PALM2AKAP2: variants seen among roughly 807,000 people sequenced by gnomAD.
PALM2AKAP2 encodes PALM2-AKAP2 fusion protein.
Under a neutral mutation model 71.5 loss-of-function variants are expected in PALM2AKAP2, and 37 were observed. That is an observed-to-expected ratio of 0.52 (90% CI 0.40 to 0.68). The LOEUF is 0.68. Ranked by LOEUF, PALM2AKAP2 falls within the 30% of genes least tolerant of loss-of-function variation. The pLI, the probability that PALM2AKAP2 is intolerant of heterozygous loss-of-function variation, is 0.00. For synonymous variants in PALM2AKAP2, 468 were observed against 478.8 expected, an observed-to-expected ratio of 0.98 and a Z score of 0.29; for missense variants, 1,224 against 1,191.8, an observed-to-expected ratio of 1.03 and a Z score of -0.40.
intron 1 of PALM2AKAP2, among the ~76,000 whole-genome samples, chr9:109,801,132 G>A (rs776463903): frequency 1.6e-4 from 25 of 152,218 alleles, no homozygotes; most frequent in Non-Finnish European, 1.0e-4. Flanking sequence ...TTCAGTTGCC[G>A]TGAAACATTT....
At chr9:109,793,607 A>G (rs1453056398) in intron 1 of PALM2AKAP2, among the ~76,000 whole-genome samples, 1 of 152,186 alleles carries the variant, frequency 6.6e-6, no homozygotes, top group Non-Finnish European at 1.5e-5. Flanking sequence ...AAGGAGGAAA[A>G]TTGATTTTAG....
At chr9:109,902,475 C>A (rs181804536) in intron 3 of PALM2AKAP2, among the ~76,000 whole-genome samples, 2 of 152,210 alleles carry the variant, frequency 1.3e-5, no homozygotes, top group South Asian at 2.1e-4. Flanking sequence ...TTTACTGAGC[C>A]CCTGAAAGGC....
intron 1 of PALM2AKAP2, among the ~76,000 whole-genome samples, chr9:109,738,904 C>T (rs895493632): frequency 3.8e-4 from 58 of 152,186 alleles, no homozygotes; most frequent in Admixed American, 3.9e-4. Flanking sequence ...ACCTTATCTG[C>T]TCTTTATTCC....
At chr9:110,161,880 A>G (rs1162497017) in intron 3 of PALM2AKAP2, among the ~76,000 whole-genome samples, 3 of 151,932 alleles carry the variant, frequency 2.0e-5, no homozygotes, top group African/African-American at 7.3e-5. Context: ...TGATATTTTT[A>G]TTAGTGAACA....
At chr9:109,778,248 GCTTAATGGTTAAGAGCATGGGCT>G (rs1308918756), upstream of PALM2AKAP2, among the ~76,000 whole-genome samples, 1 of 152,216 alleles carries the variant, frequency 6.6e-6, no homozygotes, top group African/African-American at 2.4e-5. Flanking sequence ...CAAGCCTGGT[GCTTAATGGTTAAGAGCATGGGCT>G]CTGGTGAGTG....
intron 1 of PALM2AKAP2, among the ~76,000 whole-genome samples, chr9:110,085,889 C>G (rs1834560834): frequency 6.6e-6 from 1 of 152,074 alleles, no homozygotes; most frequent in South Asian, 2.1e-4. Context: ...GGCGGATCAC[C>G]TGAGGTCAGG....
At chr9:109,947,715 C>T (rs956825639) in intron 6 of PALM2AKAP2, among the ~76,000 whole-genome samples, 16 of 152,222 alleles carry the variant, frequency 1.1e-4, no homozygotes, top group African/African-American at 3.9e-4. Flanking sequence ...TACTCACTAA[C>T]AGGTCCTTTC....
intron 2 of PALM2AKAP2, among the ~76,000 whole-genome samples, chr9:109,876,703 C>G (rs1829730462): frequency 6.6e-6 from 1 of 152,134 alleles, no homozygotes; most frequent in Non-Finnish European, 1.5e-5. Context: ...TGGTCTCGAA[C>G]TCTTGACCTC....
At chr9:110,079,388 C>T (rs565840557) in intron 1 of PALM2AKAP2, among the ~76,000 whole-genome samples, 48 of 152,142 alleles carry the variant, frequency 3.2e-4, no homozygotes, top group African/African-American at 7.0e-4. Context: ...CCCAGCTACT[C>T]GGGAGGCTGA....
intron 1 of PALM2AKAP2, among the ~76,000 whole-genome samples, chr9:109,709,878 C>T (rs1351615565): frequency 3.3e-5 from 5 of 152,186 alleles, no homozygotes; most frequent in African/African-American, 1.2e-4. Context: ...CAAGTCCTAA[C>T]CCCTACTACC....
At chr9:109,749,207 G>A (rs1828849107) in intron 1 of PALM2AKAP2, among the ~76,000 whole-genome samples, 1 of 152,218 alleles carries the variant, frequency 6.6e-6, no homozygotes, top group African/African-American at 2.4e-5. Flanking sequence ...TCTAGAAGGA[G>A]TCCACTTGAC....
intron 1 of PALM2AKAP2, among the ~76,000 whole-genome samples, chr9:110,059,476 C>T (rs1833916053): frequency 6.6e-6 from 1 of 152,178 alleles, no homozygotes; most frequent in Non-Finnish European, 1.5e-5. Flanking sequence ...TTATTCTAGA[C>T]AAGTTTTGGA....
chr9:109,865,740 G>A (rs138184875), intron 1 of PALM2AKAP2, among the ~76,000 whole-genome samples: 160 of 152,322 alleles, frequency 1.1e-3, no homozygotes, highest in African/African-American at 3.6e-3. Flanking sequence ...TCTTGGTTCT[G>A]TATTTAAATG....
At chr9:110,165,593 T>C (rs1219031954) in intron 3 of PALM2AKAP2, among the ~76,000 whole-genome samples, 1 of 152,190 alleles carries the variant, frequency 6.6e-6, no homozygotes, top group Non-Finnish European at 1.5e-5. Flanking sequence ...TAAATGGGCA[T>C]ACATACTAGG....
At chr9:109,720,606 G>C (rs536174320) in intron 1 of PALM2AKAP2, among the ~76,000 whole-genome samples, 1 of 152,288 alleles carries the variant, frequency 6.6e-6, no homozygotes, top group Non-Finnish European at 1.5e-5. Flanking sequence ...AATATTTAAG[G>C]AGCTGGCAAA....
At chr9:109,878,165 G>A (rs530705904) in intron 2 of PALM2AKAP2, among the ~76,000 whole-genome samples, 27 of 152,230 alleles carry the variant, frequency 1.8e-4, no homozygotes, top group Admixed American at 9.8e-4. Flanking sequence ...AGCAACCAAC[G>A]TAAGCAAATT....
chr9:109,981,487 G>C (rs533507295), intron 6 of PALM2AKAP2, among the ~76,000 whole-genome samples: 1 of 152,144 alleles, frequency 6.6e-6, no homozygotes, highest in African/African-American at 2.4e-5. Context: ...TGCTCACCTG[G>C]TCCCCATCGC....
At chr9:109,887,915 T>A (rs748360512) in intron 3 of PALM2AKAP2, among the ~76,000 whole-genome samples, 1 of 152,174 alleles carries the variant, frequency 6.6e-6, no homozygotes, top group South Asian at 2.1e-4. Flanking sequence ...GGTAATGTGA[T>A]TCTCCCTCCT....
chr9:109,864,052 C>A (rs1474872686), intron 1 of PALM2AKAP2, among the ~76,000 whole-genome samples: 1 of 149,238 alleles, frequency 6.7e-6, no homozygotes, highest in Non-Finnish European at 1.5e-5. Flanking sequence ...CAGACTGAGA[C>A]TCTGTCTCAA....
Sources: gnomAD v4.1 joint callset for allele counts (sites outside exome capture counted in the v4.1 genomes callset) on GRCh38, gnomAD v4.1.1 for gene constraint, MANE v1.5 for transcripts, NCBI Gene and HGNC (gene_info 2026-07-23, HGNC 2026-07-21) for gene names.